Variants in ZNF451 observed in about 807,000 individuals in gnomAD.
ZNF451 encodes zinc finger protein 451, also known as E3 SUMO-protein ligase ZNF451.
ZNF451 carries 80 observed loss-of-function variants against 107.1 expected under a neutral mutation model. That is an observed-to-expected ratio of 0.75 (90% CI 0.62 to 0.90). The LOEUF is 0.90. ZNF451 is among the 40% of genes least tolerant of loss of function. ZNF451 has a pLI of 0.00. For missense variants in ZNF451, 1,107 were observed against 1,236.2 expected, an observed-to-expected ratio of 0.90 and a Z score of 1.57; for synonymous variants, 362 against 406.5, an observed-to-expected ratio of 0.89 and a Z score of 1.32.
intron 3 of ZNF451, among the ~76,000 whole-genome samples, chr6:57,117,727 A>G (rs1830439983): frequency 6.6e-6 from 1 of 152,164 alleles, no homozygotes. Flanking sequence ...GTCAGTGAAA[A>G]GTATTGCATC....
intron 7 of ZNF451, among the ~76,000 whole-genome samples, chr6:57,136,210 GAC>G (rs1831419615): frequency 6.6e-6 from 1 of 152,154 alleles, no homozygotes. Flanking sequence ...TGATCATAAA[GAC>G]ACAGGATTTT....
chr6:57,105,172 G>A (rs1829790322), intron 3 of ZNF451: 17 of 985,106 alleles, frequency 1.7e-5, no homozygotes, highest in Non-Finnish European at 1.8e-5. Context: ...TCCCTACTAG[G>A]CCAACCTCTA....
At chr6:57,101,972 A>G in intron 3 of ZNF451, 1 of 1,550,604 alleles carries the variant, frequency 6.4e-7, no homozygotes, top group East Asian at 2.4e-5. Flanking sequence ...TTTTATAGTC[A>G]TGATCAGAAA....
intron 3 of ZNF451, among the ~76,000 whole-genome samples, chr6:57,122,130 C>T (rs1481876106): frequency 6.6e-6 from 1 of 152,004 alleles, no homozygotes; most frequent in African/African-American, 2.4e-5. Flanking sequence ...AATAAACAAT[C>T]GAGAAAGGAT....
intron 13 of ZNF451, among the ~76,000 whole-genome samples, chr6:57,159,650 A>G (rs1763583681): frequency 6.6e-6 from 1 of 151,736 alleles, no homozygotes. Context: ...AAGATTGGAC[A>G]CCCCTGGTTT....
intron 14 of ZNF451, among the ~76,000 whole-genome samples, chr6:57,164,602 TAGC>T (rs1263249464): frequency 1.3e-5 from 2 of 152,312 alleles, no homozygotes; most frequent in Non-Finnish European, 2.9e-5. Context: ...CTTCAATTAA[TAGC>T]AGTCAAAACT....
intron 3 of ZNF451, chr6:57,105,158 A>G (rs1829789888): frequency 7.1e-6 from 7 of 985,296 alleles, no homozygotes; most frequent in Non-Finnish European, 7.2e-6. Flanking sequence ...ACCTGCAACA[A>G]AATTCCCTAC....
At chr6:57,131,242 C>T (rs190537830) in intron 5 of ZNF451, among the ~76,000 whole-genome samples, 1 of 151,900 alleles carries the variant, frequency 6.6e-6, no homozygotes, top group Admixed American at 6.6e-5. Flanking sequence ...TTAGAGTTGG[C>T]CAGTTTGCAT....
intron 2 of ZNF451, among the ~76,000 whole-genome samples, chr6:57,096,476 G>A (rs1593073504): frequency 6.6e-6 from 1 of 151,450 alleles, no homozygotes; most frequent in South Asian, 2.1e-4. Context: ...ATGAGCCACC[G>A]TGCCCAGCCT....
At chr6:57,098,242 A>G (rs551810402) in intron 2 of ZNF451, among the ~76,000 whole-genome samples, 9 of 151,264 alleles carry the variant, frequency 5.9e-5, no homozygotes, top group Middle Eastern at 3.4e-3. Context: ...AAAGTACACA[A>G]ATTAGCCAGG....
chr6:57,105,649 G>T, intron 3 of ZNF451: 1 of 985,328 alleles, frequency 1.0e-6, no homozygotes, highest in Non-Finnish European at 1.2e-6. Flanking sequence ...ATTAGTGAGT[G>T]GCTAATTTTG....
In ZNF451 at chr6:57,168,760, T is replaced by TA. The variant is rs939003412; in HGVS notation, c.*299dup. The stretch of plus-strand genomic sequence containing the variant: ...ATTTATATATTTAGATTTAAAGGAT[T>TA]AAAAAAAAGGAAAGCTCTTGACAGT... On this transcript the variant is annotated 3_prime_UTR_variant, in exon 15 of 15. Transcript: ENST00000370706. The TA allele has an allele frequency of 8.3e-5, 23 of 275,624 alleles. No homozygotes were observed. Among genetic ancestry groups the TA allele is most frequent in the East Asian group, 1.7e-4 (2 of 11,474 alleles). The allele number at this position is 275,624 out of a possible 1,614,324, so 17.1% of individuals were successfully genotyped here. A position where few individuals can be genotyped will look rare whatever the true frequency, so the allele number is the denominator to read the frequency against.
At chr6:57,101,885 A>G in intron 3 of ZNF451, 1 of 1,550,584 alleles carries the variant, frequency 6.4e-7, no homozygotes, top group Non-Finnish European at 8.7e-7. Context: ...CAAGATGTGA[A>G]AGCTGTTGTT....
intron 14 of ZNF451, among the ~76,000 whole-genome samples, chr6:57,164,426 ATTTAC>A (rs1763810960): frequency 1.3e-5 from 2 of 152,124 alleles, no homozygotes; most frequent in African/African-American, 4.8e-5. Flanking sequence ...TTATGCCATT[ATTTAC>A]TTATATGTTC....
At chr6:57,140,223 T>C (rs981797449) in intron 7 of ZNF451, among the ~76,000 whole-genome samples, 3 of 151,900 alleles carry the variant, frequency 2.0e-5, no homozygotes, top group African/African-American at 7.3e-5. Context: ...AGCCAAAAAA[T>C]GTATGAATAA....
chr6:57,148,034 CATT>C lies in ZNF451; in HGVS notation c.1950_1952del (p.Leu651del), dbSNP rs751965824. The C allele has an allele frequency of 6.2e-7, 1 of 1,614,044 alleles. No homozygotes were observed. On this transcript the variant is annotated inframe_deletion, in exon 10 of 15. Transcript: ENST00000370706. ...AGAAAGCCTTTTCATAAGATAGAAA[CATT>C]GTACCGACATTGCCAAGATGAGCAT...
At chr6:57,138,775 GTATA>G (rs1224868487) in intron 7 of ZNF451, among the ~76,000 whole-genome samples, 9 of 106,238 alleles carry the variant, frequency 8.5e-5, no homozygotes, top group African/African-American at 2.8e-4. Context: ...GTGTGTGTGT[GTATA>G]TATATATATA....
At chr6:57,116,185 G>A (rs895608671) in intron 3 of ZNF451, 1 of 152,134 alleles carries the variant, frequency 6.6e-6, no homozygotes, top group East Asian at 1.9e-4. Flanking sequence ...TAGGGGAATG[G>A]TAGAAATTCT....
At chr6:57,161,820 C>G (rs768213066) in intron 14 of ZNF451, among the ~76,000 whole-genome samples, 31 of 152,068 alleles carry the variant, frequency 2.0e-4, no homozygotes, top group Non-Finnish European at 3.5e-4. Context: ...CCAGCCTCCA[C>G]AGTAGCTGGT....
Sources: gnomAD v4.1 joint callset for allele counts (sites outside exome capture counted in the v4.1 genomes callset) on GRCh38, gnomAD v4.1.1 for gene constraint, MANE v1.5 for transcripts, NCBI Gene and HGNC (gene_info 2026-07-23, HGNC 2026-07-21) for gene names.